Variants in C8orf34 observed in about 807,000 individuals in gnomAD.
C8orf34 encodes uncharacterized protein C8orf34.
C8orf34 carries 65 observed loss-of-function variants against 68.3 expected under a neutral mutation model. That is an observed-to-expected ratio of 0.95 (90% CI 0.78 to 1.17). The LOEUF is 1.17. C8orf34 is among the 50% of genes most tolerant of loss of function. C8orf34 has a pLI of 0.00. For missense variants in C8orf34, 664 were observed against 655.4 expected (o/e 1.01, Z -0.14); for synonymous variants, 244 against 241.2 (o/e 1.01, Z -0.11).
intron 12 of C8orf34, among the ~76,000 whole-genome samples, chr8:68,815,015 T>G (rs1160382920): frequency 6.6e-6 from 1 of 152,210 alleles, no homozygotes; most frequent in Admixed American, 6.5e-5. Flanking sequence ...ATTTGACCAA[T>G]GAACCATTTG....
chr8:68,503,125 T>C (rs1398916182), intron 5 of C8orf34, among the ~76,000 whole-genome samples: 1 of 152,112 alleles, frequency 6.6e-6, no homozygotes, highest in African/African-American at 2.4e-5. Flanking sequence ...TTAAGAGAAA[T>C]GTAAAAGACT....
chr8:68,729,717 A>C (rs1482790663), intron 10 of C8orf34, among the ~76,000 whole-genome samples: 2 of 152,182 alleles, frequency 1.3e-5, no homozygotes, highest in Non-Finnish European at 2.9e-5. Context: ...TCTTGTATAA[A>C]ACATGGGTGA....
intron 7 of C8orf34, among the ~76,000 whole-genome samples, chr8:68,627,615 C>G (rs1423811281): frequency 6.6e-6 from 1 of 152,182 alleles, no homozygotes; most frequent in African/African-American, 2.4e-5. Context: ...TAAAGATGCA[C>G]TCTGATGCAG....
At chr8:68,600,182 T>C (rs1419621064) in intron 7 of C8orf34, among the ~76,000 whole-genome samples, 1 of 152,156 alleles carries the variant, frequency 6.6e-6, no homozygotes, top group Non-Finnish European at 1.5e-5. Context: ...TATACATATG[T>C]AATTTATCAC....
At chr8:68,780,119 T>C (rs1376391662) in intron 11 of C8orf34, among the ~76,000 whole-genome samples, 1 of 152,166 alleles carries the variant, frequency 6.6e-6, no homozygotes, top group Non-Finnish European at 1.5e-5. Context: ...TCACTATCCA[T>C]AGGATAACAC....
intron 12 of C8orf34, among the ~76,000 whole-genome samples, chr8:68,810,166 C>A (rs1159177959): frequency 6.6e-6 from 1 of 152,134 alleles, no homozygotes; most frequent in Non-Finnish European, 1.5e-5. Flanking sequence ...CTCGTGCTAC[C>A]CTCCCAGATC....
intron 3 of C8orf34, among the ~76,000 whole-genome samples, chr8:68,450,251 T>C (rs951464279): frequency 6.6e-6 from 1 of 152,160 alleles, no homozygotes; most frequent in Non-Finnish European, 1.5e-5. Flanking sequence ...TCTCTTGCTA[T>C]TTCCACCATA....
chr8:68,463,812 A>G (rs909320934), intron 3 of C8orf34, among the ~76,000 whole-genome samples: 3 of 152,228 alleles, frequency 2.0e-5, no homozygotes, highest in African/African-American at 7.2e-5. Context: ...AGAGCTATTT[A>G]TGACAAACCC....
chr8:68,510,282 T>C (rs1345631723), intron 5 of C8orf34, among the ~76,000 whole-genome samples: 3 of 152,132 alleles, frequency 2.0e-5, no homozygotes, highest in Non-Finnish European at 4.4e-5. Context: ...CTGGTAACTA[T>C]AGTTATGCTT....
At chr8:68,563,009 C>A (rs537927496) in intron 7 of C8orf34, among the ~76,000 whole-genome samples, 13 of 152,242 alleles carry the variant, frequency 8.5e-5, no homozygotes, top group African/African-American at 2.9e-4. Context: ...TTTTTTAAAA[C>A]ACACATCTAA....
intron 4 of C8orf34, among the ~76,000 whole-genome samples, chr8:68,480,577 T>C (rs987688967): frequency 3.3e-5 from 5 of 152,182 alleles, no homozygotes; most frequent in Non-Finnish European, 5.9e-5. Flanking sequence ...TAGAAACTTG[T>C]TGAATGGCTT....
intron 8 of C8orf34, among the ~76,000 whole-genome samples, chr8:68,664,355 G>T (rs956328047): frequency 6.6e-5 from 10 of 152,150 alleles, no homozygotes; most frequent in African/African-American, 2.2e-4. Context: ...ATGGCATAAG[G>T]AGTAAGGGGG....
At chr8:68,618,399 T>C (rs1010236831) in intron 7 of C8orf34, among the ~76,000 whole-genome samples, 1 of 152,212 alleles carries the variant, frequency 6.6e-6, no homozygotes, top group Admixed American at 6.6e-5. Flanking sequence ...TCACCCAGGC[T>C]GGAGTGCAGT....
chr8:68,394,783 A>G (rs920622453), intron 1 of C8orf34, among the ~76,000 whole-genome samples: 2 of 152,070 alleles, frequency 1.3e-5, no homozygotes, highest in African/African-American at 4.8e-5. Context: ...AGTGGCCACC[A>G]TTAGTGATGG....
intron 5 of C8orf34, among the ~76,000 whole-genome samples, chr8:68,503,139 C>T (rs1341940310): frequency 1.3e-5 from 2 of 152,076 alleles, no homozygotes; most frequent in African/African-American, 4.8e-5. Flanking sequence ...AAAGACTGTC[C>T]ATCAGTTGCA....
chr8:68,399,313 A>G (rs990048346), intron 1 of C8orf34, among the ~76,000 whole-genome samples: 1 of 151,882 alleles, frequency 6.6e-6, no homozygotes, highest in Admixed American at 6.6e-5. Context: ...CCCCCGTTCT[A>G]CCCTCCCACC....
intron 1 of C8orf34, among the ~76,000 whole-genome samples, chr8:68,346,234 A>T (rs1806276571): frequency 6.6e-6 from 1 of 151,388 alleles, no homozygotes; most frequent in Non-Finnish European, 1.5e-5. Context: ...AAATCTCTGC[A>T]TTGAAATAAA....
intron 7 of C8orf34, among the ~76,000 whole-genome samples, chr8:68,550,897 G>C (rs954311048): frequency 2.0e-4 from 28 of 141,648 alleles, no homozygotes; most frequent in Non-Finnish European, 4.7e-5. Context: ...TTTTTTTTTT[G>C]TTTTGTTTGT....
At chr8:68,433,185 AAT>A (rs1477708926) in intron 1 of C8orf34, among the ~76,000 whole-genome samples, 1 of 152,196 alleles carries the variant, frequency 6.6e-6, no homozygotes, top group Non-Finnish European at 1.5e-5. Flanking sequence ...GCAAATTTTT[AAT>A]AGAGACCTGA....
Sources: gnomAD v4.1 joint callset for allele counts (sites outside exome capture counted in the v4.1 genomes callset) on GRCh38, gnomAD v4.1.1 for gene constraint, MANE v1.5 for transcripts, NCBI Gene and HGNC (gene_info 2026-07-23, HGNC 2026-07-21) for gene names.